Variants in FNTB observed in about 807,000 individuals in gnomAD.
The protein encoded by FNTB is protein farnesyltransferase subunit beta.
FNTB carries 27 observed loss-of-function variants against 59.4 expected under a neutral mutation model. The observed-to-expected ratio is 0.45, with a 90% CI of 0.34 to 0.63. The LOEUF is 0.63. Among genes scored for constraint, FNTB ranks in the 20% least tolerant of loss-of-function variants. FNTB has a pLI of 0.02. For synonymous variants in FNTB, 230 were observed against 220.7 expected (o/e 1.04, Z -0.37); for missense variants, 449 against 559.6 (o/e 0.80, Z 1.99).
rs1206251799 is a variant in FNTB at position 64,991,933 on chromosome 14, G to A, written c.144+4836G>A. On this transcript the variant is annotated intron_variant, in intron 1 of 11. Coordinates refer to ENST00000246166, the MANE Select transcript of FNTB (RefSeq NM_002028.4). The surrounding 1 kb of genome is among the most constrained non-coding windows in gnomAD (Gnocchi z 4.4). ...CCTATCAGGGTATTAAGAGGCAGGT[G>A]ATGTGCTGGCTTCAGGTTCGGGCAG... Among the ~76,000 whole-genome samples, 1 of 152,150 alleles carries A rather than the reference G, an allele frequency of 6.6e-6. No individual in the cohort carries two copies. The highest frequency in any genetic ancestry group is 1.5e-5 in the Non-Finnish European group (1 of 68,022).
intron 9 of FNTB, among the ~76,000 whole-genome samples, chr14:65,048,127 G>A (rs149270720): frequency 8.6e-5 from 13 of 151,476 alleles, no homozygotes; most frequent in African/African-American, 1.9e-4. Context: ...GATTACAGGC[G>A]TGTACCACCA....
chr14:65,001,829 C>T lies in FNTB; in HGVS notation c.145-2420C>T, dbSNP rs1306513028. On this transcript the variant is annotated intron_variant, in intron 1 of 11. Coordinates refer to ENST00000246166, the MANE Select transcript of FNTB (RefSeq NM_002028.4). The surrounding 1 kb of genome is among the most constrained non-coding windows in gnomAD (Gnocchi z 5.5). ...CAGGAATGGAAAAAGAATTATGATT[C>T]TGGGACAACTTTCTTATTCCTCCCA... 6.6e-6 allele frequency among the ~76,000 whole-genome samples: 1 copy of T among 152,174 alleles called. No individual in the cohort carries two copies. Among genetic ancestry groups the T allele is most frequent in the African/African-American group, 2.4e-5 (1 of 41,438 alleles).
chr14:65,049,617 A>G (rs1342585035), intron 9 of FNTB, among the ~76,000 whole-genome samples: 1 of 152,188 alleles, frequency 6.6e-6, no homozygotes, highest in East Asian at 1.9e-4. Context: ...AACAGTCTAT[A>G]GTTTTTTATA....
chr14:65,027,406 C>T lies in FNTB; in HGVS notation c.375-47C>T, dbSNP rs371854853. 5 of 1,605,682 alleles carry T rather than the reference C, an allele frequency of 3.1e-6. No homozygotes were observed. In the African/African-American group the frequency reaches 4.0e-5, roughly 13 times the overall value. On this transcript the variant is annotated intron_variant, in intron 4 of 11. Coordinates refer to ENST00000246166, the MANE Select transcript of FNTB (RefSeq NM_002028.4). The surrounding 1 kb of genome is among the most constrained non-coding windows in gnomAD (Gnocchi z 5.7). ...ATCTAGTGGGAATTTGGTGTTTTGA[C>T]ATGAATGCTCTCTGACTTTGTTTTT...
rs1448381215 is a variant in FNTB at position 65,031,220 on chromosome 14, A to C, written c.606-1390A>C. On this transcript the variant is annotated intron_variant, in intron 6 of 11. Coordinates refer to ENST00000246166, the MANE Select transcript of FNTB (RefSeq NM_002028.4). The surrounding 1 kb of genome is among the most constrained non-coding windows in gnomAD (Gnocchi z 4.6). ...AGGCAGTCTGTGTGTGTATACCATGACAGAGGGAGAAGCTGAAATAAAATG... is the reference window on the plus strand; with the variant it reads ...AGGCAGTCTGTGTGTGTATACCATGCCAGAGGGAGAAGCTGAAATAAAATG... Among the ~76,000 whole-genome samples the C allele has an allele frequency of 6.6e-6, 1 of 152,186 alleles. No individual in the cohort carries two copies.
In FNTB at chr14:65,031,375, T is replaced by C. The variant is rs965918504; in HGVS notation, c.606-1235T>C. Reference sequence around the variant, plus strand: ...CTCTGTTGCCCAAGCTGGAATGCAGTGGCATGATCTTGGCTCACTGCAACC... The same window carrying C: ...CTCTGTTGCCCAAGCTGGAATGCAGCGGCATGATCTTGGCTCACTGCAACC... On this transcript the variant is annotated intron_variant, in intron 6 of 11. Transcript: ENST00000246166. This position sits in a 1 kb window ranked among gnomAD's most constrained non-coding sequence, Gnocchi z 4.6. Among the ~76,000 whole-genome samples the C allele has an allele frequency of 5.3e-5, 8 of 151,768 alleles. No homozygotes were observed. Among genetic ancestry groups the C allele is most frequent in the Non-Finnish European group, 1.0e-4 (7 of 67,924 alleles).
chr14:65,010,040 C>T lies in FNTB; in HGVS notation c.210-2277C>T, dbSNP rs866398376. ...ACTGAGTCTGGCCTTCTCTTGTTTA[C>T]AATTTGCCTTCACCTCTGCTCTGAA... On this transcript the variant is annotated intron_variant, in intron 2 of 11. Transcript: ENST00000246166. Among the ~76,000 whole-genome samples the T allele has an allele frequency of 8.5e-5, 13 of 152,238 alleles. No homozygotes were observed. The Middle Eastern group carries it at 0.01, about 119-fold the overall frequency.
intron 2 of FNTB, among the ~76,000 whole-genome samples, chr14:65,005,707 A>G (rs1026362919): frequency 2.0e-5 from 3 of 151,954 alleles, no homozygotes; most frequent in Non-Finnish European, 2.9e-5. Context: ...TGCCCTGATC[A>G]TAGCCCACAG....
rs151222934 is a variant in FNTB, at chr14:65,051,940, G to A, written c.956-1298G>A. 4.7e-3 allele frequency among the ~76,000 whole-genome samples: 712 copies of A among 151,660 alleles called. 14 individuals carry two copies. The highest frequency in any genetic ancestry group is 0.043 in the South Asian group (206 of 4,768). On this transcript the variant is annotated intron_variant, in intron 9 of 11. Coordinates refer to ENST00000246166, the MANE Select transcript of FNTB (RefSeq NM_002028.4). ...CTCCTGAGTAGCTGGGACTACAGGC[G>A]CCCACCACCATGTCCGGCTAATTTT... is the stretch of plus-strand genomic sequence containing the variant.
chr14:65,015,410 CTTTTTTTTTT>C (rs888923691), intron 3 of FNTB: 3 of 155,206 alleles, frequency 1.9e-5, no homozygotes, highest in African/African-American at 3.1e-5. Flanking sequence ...GCCTTGTTAT[CTTTTTTTTTT>C]TTTTTTTTTT....
intron 3 of FNTB, among the ~76,000 whole-genome samples, chr14:65,015,139 G>A (rs961981540): frequency 3.5e-5 from 5 of 143,982 alleles, no homozygotes; most frequent in African/African-American, 1.3e-4. Context: ...GTCTTGCTCT[G>A]TCGCCTAGGC....
intron 9 of FNTB, among the ~76,000 whole-genome samples, chr14:65,051,582 A>T (rs774377912): frequency 2.0e-5 from 3 of 151,870 alleles, no homozygotes; most frequent in Non-Finnish European, 4.4e-5. Context: ...TTGCCCTCCA[A>T]CCTGGGCAAC....
At chr14:65,055,164 T>C (rs1361012507) in intron 11 of FNTB, among the ~76,000 whole-genome samples, 1 of 152,008 alleles carries the variant, frequency 6.6e-6, no homozygotes, top group Non-Finnish European at 1.5e-5. Flanking sequence ...TTCTTTGTAG[T>C]ACTTTACTCA....
Position 64,990,955 on chromosome 14 carries a change from C to T in FNTB, c.144+3858C>T, listed in dbSNP as rs1888176231. Reference sequence around the variant, plus strand: ...TAATGCAGATGCAGGGAGGGCCTTTCATGACACTAGAGAACAAGACATGGT... The same window carrying T: ...TAATGCAGATGCAGGGAGGGCCTTTTATGACACTAGAGAACAAGACATGGT... On this transcript the variant is annotated intron_variant, in intron 1 of 11. Transcript: ENST00000246166. The surrounding 1 kb of genome is among the most constrained non-coding windows in gnomAD (Gnocchi z 5.2). 6.6e-6 allele frequency among the ~76,000 whole-genome samples: 1 copy of T among 152,138 alleles called. No individual in the cohort carries two copies. The highest frequency in any genetic ancestry group is 2.1e-4 in the South Asian group (1 of 4,828).
chr14:65,043,197 T>C (rs974370037), intron 8 of FNTB, among the ~76,000 whole-genome samples: 2 of 152,194 alleles, frequency 1.3e-5, no homozygotes, highest in African/African-American at 4.8e-5. Flanking sequence ...GGAAATGTCA[T>C]ATCTGCTCAG....
Position 65,015,623 on chromosome 14 carries a change from A to G in FNTB, c.283-2A>G, listed in dbSNP as rs747927405. 1 of 1,613,940 alleles carries G rather than the reference A, an allele frequency of 6.2e-7. No homozygotes were observed. Among genetic ancestry groups the G allele is most frequent in the East Asian group, 2.2e-5 (1 of 44,870 alleles). Reference sequence around the variant, plus strand: ...ATGTTTTCTCTCCTGTCTCTCTCCCAGTGTCTGGATGCCAGCCGCCCATGG... The same window carrying G: ...ATGTTTTCTCTCCTGTCTCTCTCCCGGTGTCTGGATGCCAGCCGCCCATGG... On this transcript the variant is annotated splice_acceptor_variant, in intron 3 of 11. Transcript: ENST00000246166. LOFTEE classifies it high-confidence loss of function.
At position 64,997,938 on chromosome 14, in the gene FNTB, G is replaced by A. The variant is rs1888462810; in HGVS notation, c.145-6311G>A. Among the ~76,000 whole-genome samples, 1 of 152,120 alleles carries A rather than the reference G, an allele frequency of 6.6e-6. No individual in the cohort carries two copies. Among genetic ancestry groups the A allele is most frequent in the Non-Finnish European group, 1.5e-5 (1 of 68,020 alleles). Reference sequence around the variant, plus strand: ...TGTCTGCTGTTTCTCAAAATAATCAGCTCAAAGTAATCCTTATGCCAAAGA... The same window carrying A: ...TGTCTGCTGTTTCTCAAAATAATCAACTCAAAGTAATCCTTATGCCAAAGA... On this transcript the variant is annotated intron_variant, in intron 1 of 11. Coordinates refer to ENST00000246166, the MANE Select transcript of FNTB (RefSeq NM_002028.4). This position sits in a 1 kb window ranked among gnomAD's most constrained non-coding sequence, Gnocchi z 4.5.
At chr14:64,996,740 A>G (rs1431200106) in intron 1 of FNTB, among the ~76,000 whole-genome samples, 2 of 150,872 alleles carry the variant, frequency 1.3e-5, no homozygotes, top group African/African-American at 4.9e-5. Flanking sequence ...ATTTTTCTAT[A>G]ACTGAGAATT....
chr14:65,000,919 C>G (rs566008081), intron 1 of FNTB, among the ~76,000 whole-genome samples: 11 of 151,122 alleles, frequency 7.3e-5, no homozygotes, highest in African/African-American at 1.5e-4. Flanking sequence ...TACCAAGACT[C>G]TACACTAAAA....
Sources: gnomAD v4.1 joint callset for allele counts (sites outside exome capture counted in the v4.1 genomes callset) on GRCh38, gnomAD v4.1.1 for gene constraint, Gnocchi (gnomAD v3.1) non-coding constraint, MANE v1.5 for transcripts, NCBI Gene and HGNC (gene_info 2026-07-23, HGNC 2026-07-21) for gene names.